MYH10: variants seen among roughly 807,000 people sequenced by gnomAD.
The protein encoded by MYH10 is myosin-10.
A neutral mutation model predicts 257.8 loss-of-function variants in MYH10; 55 were observed. The ratio of observed to expected loss-of-function variants is 0.21; its 90% CI spans 0.17 to 0.27. The LOEUF (loss-of-function observed/expected upper bound fraction) is 0.27, where lower values mean the gene tolerates loss of function less well. Among genes scored for constraint, MYH10 ranks in the 10% least tolerant of loss-of-function variants. The probability of loss-of-function intolerance (pLI) is 1.00; values close to 1 mark genes in which losing one functional copy is unlikely to be tolerated. For synonymous variants in MYH10, 854 were observed against 921.7 expected (o/e 0.93, Z 1.33); for missense variants, 1,631 against 2,500.6 (o/e 0.65, Z 7.42).
intron 14 of MYH10, among the ~76,000 whole-genome samples, chr17:8,538,583 A>G (rs899786800): frequency 2.6e-5 from 4 of 152,198 alleles, no homozygotes; most frequent in African/African-American, 9.6e-5. Context: ...AGAGTGAGTC[A>G]GCATTAAATC....
chr17:8,554,044 T>C lies in MYH10; in HGVS notation c.757-26A>G, dbSNP rs147269549. The C allele has an allele frequency of 2.1e-3, 3,200 of 1,556,298 alleles. 27 individuals are homozygous for C. The highest frequency in any genetic ancestry group is 7.2e-3 in the Middle Eastern group (42 of 5,840). On this transcript the variant is annotated intron_variant, in intron 7 of 42. Coordinates refer to ENST00000360416, the MANE Select transcript of MYH10 (RefSeq NM_001256012.3). ...CTGAAAATAAATTAAAAAGAGAAAA[T>C]TGAAAATAAGTAAGTACATACTGGA...
At chr17:8,481,545 GAAATT>G in intron 37 of MYH10, 135 bp from the exon 38 acceptor site, 1 of 768,058 alleles carries the variant, frequency 1.3e-6, no homozygotes, top group Non-Finnish European at 2.1e-6. Flanking sequence ...TTAGATTTGA[GAAATT>G]AAACTGTCAA....
chr17:8,562,883 T>C (rs932684740), intron 7 of MYH10, among the ~76,000 whole-genome samples: 6 of 152,236 alleles, frequency 3.9e-5, no homozygotes, highest in African/African-American at 1.4e-4. Context: ...AAAATTATCT[T>C]AATTAGTTTC....
chr17:8,579,841 A>T (rs1000788314), intron 4 of MYH10, among the ~76,000 whole-genome samples: 2 of 152,296 alleles, frequency 1.3e-5, no homozygotes, highest in East Asian at 3.9e-4. Context: ...TTTACAGCTG[A>T]ATCTTCAACC....
chr17:8,552,139 G>C lies in MYH10; in HGVS notation c.826C>G (p.Leu276Val). Residue 276 changes from leucine to valine, a missense_variant, in exon 9 of 43, where the codon CTG (leucine) becomes GTG (valine). Transcript: ENST00000360416. This position sits in a 1 kb window ranked among gnomAD's most constrained non-coding sequence, Gnocchi z 4.8. ...TGACGAACAGCACGAGACTTTTCCA[G>C]AAGGTCTGAGCAAAGACAGTTAAGA... ...IVGANIETYL[L>V]EKSRAVRQAK... 2 of 1,546,758 alleles carry C rather than the reference G, an allele frequency of 1.3e-6. No homozygotes were observed. Among genetic ancestry groups the C allele is most frequent in the Non-Finnish European group, 1.8e-6 (2 of 1,139,256 alleles).
chr17:8,513,892 G>A lies in MYH10; in HGVS notation c.2507C>T (p.Ala836Val). ...TAGTTGCTGCTGCTTCTTGGCAAAG[G>A]CCCTGAAGAACAATAAGAAAAACTT... is the stretch of plus-strand genomic sequence containing the variant. ...AVCRGYLARKAFAKKQQQLSA... is the reference protein window; with the variant it reads ...AVCRGYLARKVFAKKQQQLSA... Residue 836 changes from alanine to valine, a missense_variant and splice_region_variant, in exon 22 of 43, where the codon GCC becomes GTC. Transcript: ENST00000360416. 1 of 1,613,536 alleles carries A rather than the reference G, an allele frequency of 6.2e-7. No homozygotes were observed. Among genetic ancestry groups the A allele is most frequent in the South Asian group, 1.1e-5 (1 of 91,014 alleles).
At chr17:8,561,916 A>G (rs2083011054) in intron 7 of MYH10, among the ~76,000 whole-genome samples, 2 of 152,214 alleles carry the variant, frequency 1.3e-5, no homozygotes, top group Non-Finnish European at 1.5e-5. Flanking sequence ...CATGGAGAAC[A>G]ATGATGAAGG....
intron 7 of MYH10, among the ~76,000 whole-genome samples, chr17:8,556,891 A>T (rs947157820): frequency 6.6e-6 from 1 of 152,176 alleles, no homozygotes; most frequent in African/African-American, 2.4e-5. Context: ...TGACATTCGG[A>T]TCTGTGAAGC....
At chr17:8,577,210 T>A in intron 5 of MYH10, 26 bp downstream of exon 5, 1 of 1,547,322 alleles carries the variant, frequency 6.5e-7, no homozygotes, top group Non-Finnish European at 8.9e-7. Flanking sequence ...GAAGAAGATT[T>A]AAAAAACAAC....
chr17:8,559,081 T>C (rs2082901035), intron 7 of MYH10, among the ~76,000 whole-genome samples: 1 of 152,190 alleles, frequency 6.6e-6, no homozygotes, highest in Admixed American at 6.5e-5. Context: ...TCATGTTTCT[T>C]TTTTGCCCTT....
intron 3 of MYH10, among the ~76,000 whole-genome samples, chr17:8,596,934 T>C (rs1180180209): frequency 6.6e-6 from 1 of 152,030 alleles, no homozygotes; most frequent in African/African-American, 2.4e-5. Flanking sequence ...ATTTCTAGAT[T>C]ACGTAAGGGC....
At chr17:8,571,666 G>A (rs1474627715) in intron 6 of MYH10, among the ~76,000 whole-genome samples, 4 of 151,896 alleles carry the variant, frequency 2.6e-5, no homozygotes, top group African/African-American at 4.8e-5. Context: ...CCTGAGGCAG[G>A]AGAATCGCTT....
chr17:8,481,226 C>T, intron 38 of MYH10, 96 bp downstream of exon 38: 1 of 1,277,090 alleles, frequency 7.8e-7, no homozygotes, highest in Non-Finnish European at 1.1e-6. Context: ...GAGGAGCAAA[C>T]CACCCGCTGA....
At chr17:8,487,322 C>T (rs547536607) in intron 36 of MYH10, 111 bp downstream of exon 36, 55 of 1,322,986 alleles carry the variant, frequency 4.2e-5, no homozygotes, top group Non-Finnish European at 5.2e-5. Context: ...GCCCCACCCC[C>T]GGCCACGCTG....
chr17:8,613,544 G>C (rs576387940), intron 2 of MYH10, among the ~76,000 whole-genome samples: 28 of 152,254 alleles, frequency 1.8e-4, no homozygotes, highest in African/African-American at 6.3e-4. Flanking sequence ...ATCCATGTTG[G>C]AATATGTAAC....
At chr17:8,531,003 G>C (rs1254380654) in intron 16 of MYH10, among the ~76,000 whole-genome samples, 1 of 152,154 alleles carries the variant, frequency 6.6e-6, no homozygotes, top group Non-Finnish European at 1.5e-5. Flanking sequence ...TATTTGAGTT[G>C]TCTATCGTAA....
chr17:8,616,084 G>C (rs914998863), intron 2 of MYH10, among the ~76,000 whole-genome samples: 3 of 152,200 alleles, frequency 2.0e-5, no homozygotes, highest in African/African-American at 7.2e-5. Context: ...AGTAGTTCGA[G>C]ACCAGCCTGG....
At chr17:8,498,297 C>T (rs1159575126) in intron 30 of MYH10, among the ~76,000 whole-genome samples, 1 of 152,024 alleles carries the variant, frequency 6.6e-6, no homozygotes, top group Non-Finnish European at 1.5e-5. Context: ...CATACTATAC[C>T]ATTTTTATTA....
chr17:8,561,816 A>C (rs1055079486), intron 7 of MYH10, among the ~76,000 whole-genome samples: 1 of 152,116 alleles, frequency 6.6e-6, no homozygotes, highest in African/African-American at 2.4e-5. Context: ...CCTAGGGTCC[A>C]TAGTGGCACT....
Sources: gnomAD v4.1 joint callset for allele counts (sites outside exome capture counted in the v4.1 genomes callset) on GRCh38, gnomAD v4.1.1 for gene constraint, Gnocchi (gnomAD v3.1) non-coding constraint, MANE v1.5 for transcripts, NCBI Gene and HGNC (gene_info 2026-07-23, HGNC 2026-07-21) for gene names.